The following GGPS1 variants were observed in gnomAD, a reference collection of about 807,000 sequenced individuals.
GGPS1 encodes geranylgeranyl diphosphate synthase 1.
GGPS1 carries 15 observed loss-of-function variants against 28.1 expected under a neutral mutation model. The observed-to-expected ratio is 0.53, with a 90% CI of 0.36 to 0.82. GGPS1 has a LOEUF of 0.82. Among genes scored for constraint, GGPS1 ranks in the 40% least tolerant of loss-of-function variants. The pLI, the probability that GGPS1 is intolerant of heterozygous loss-of-function variation, is 0.01. For synonymous variants in GGPS1, 138 were observed against 122.4 expected, an observed-to-expected ratio of 1.13 and a Z score of -0.84; for missense variants, 284 against 348.3, an observed-to-expected ratio of 0.82 and a Z score of 1.47.
In GGPS1 at chr1:235,340,025, A is replaced by G. The variant is rs552414556; in HGVS notation, c.71-1683A>G. On this transcript the variant is annotated intron_variant, in intron 2 of 3. Transcript: ENST00000282841. The stretch of plus-strand genomic sequence containing the variant: ...CACATGCGTGTAATCCCAGCTACTC[A>G]GGAGGCTGAGGCAGGAGAATAGCTT... 1.9e-3 allele frequency among the ~76,000 whole-genome samples: 279 copies of G among 150,354 alleles called. 1 individual carries two copies. Among genetic ancestry groups the G allele is most frequent in the Middle Eastern group, 3.5e-3 (1 of 286 alleles).
At chr1:235,334,352 T>C (rs1463388040) in intron 1 of GGPS1, among the ~76,000 whole-genome samples, 2 of 152,186 alleles carry the variant, frequency 1.3e-5, no homozygotes, top group Admixed American at 1.3e-4. Context: ...TTGATTAAAA[T>C]AGGAAAAGCT....
chr1:235,332,738 G>C (rs1675754726), intron 1 of GGPS1, among the ~76,000 whole-genome samples: 1 of 152,096 alleles, frequency 6.6e-6, no homozygotes, highest in African/African-American at 2.4e-5. Context: ...TAAATTTAAT[G>C]CCAGCAAGAA....
chr1:235,342,577 G>T lies in GGPS1; in HGVS notation c.708G>T (p.Gln236His). The T allele has an allele frequency of 6.2e-7, 1 of 1,611,670 alleles. No homozygotes were observed. Residue 236 changes from glutamine to histidine, a missense_variant, in exon 4 of 4, where the codon CAG becomes CAT. Gln to His is a conservative substitution (Grantham distance 24). Coordinates refer to ENST00000282841, the MANE Select transcript of GGPS1 (RefSeq NM_004837.4). ...ESTQVQNILRQRTENIDIKKY... is the reference protein window; with the variant it reads ...ESTQVQNILRHRTENIDIKKY... ...CCCAGGTGCAGAATATCTTGCGCCAGAGAACAGAAAACATAGATATAAAAA... is the reference window on the plus strand; with the variant it reads ...CCCAGGTGCAGAATATCTTGCGCCATAGAACAGAAAACATAGATATAAAAA...
chr1:235,338,930 A>G (rs1246070495), intron 2 of GGPS1, among the ~76,000 whole-genome samples: 2 of 151,726 alleles, frequency 1.3e-5, no homozygotes, highest in African/African-American at 2.4e-5. Context: ...TCGAGAGGCC[A>G]AAGCATGTGG....
intron 1 of GGPS1, among the ~76,000 whole-genome samples, chr1:235,334,638 G>C (rs1675813153): frequency 6.6e-6 from 1 of 152,162 alleles, no homozygotes; most frequent in African/African-American, 2.4e-5. Flanking sequence ...CTGTAGATTG[G>C]CTTATTCTGA....
chr1:235,335,897 A>G (rs905789814), intron 2 of GGPS1, among the ~76,000 whole-genome samples: 3 of 152,148 alleles, frequency 2.0e-5, no homozygotes, highest in African/African-American at 4.8e-5. Context: ...TTTACCTTCT[A>G]TGTCTGTATT....
At chr1:235,340,965 A>G (rs1260112308) in intron 2 of GGPS1, among the ~76,000 whole-genome samples, 1 of 152,166 alleles carries the variant, frequency 6.6e-6, no homozygotes, top group Non-Finnish European at 1.5e-5. Flanking sequence ...TTTATGAGGT[A>G]ATAGTAAAAT....
In GGPS1 at chr1:235,344,241, G is replaced by C. The variant is rs977960675; in HGVS notation, c.*1469G>C. On this transcript the variant is annotated 3_prime_UTR_variant, in exon 4 of 4. Coordinates refer to ENST00000282841, the MANE Select transcript of GGPS1 (RefSeq NM_004837.4). ...TATGTTTCCCTTAGAAACATGTTTTGCTTGGTTCTATAGTATGTTACTTAG... is the reference window on the plus strand; with the variant it reads ...TATGTTTCCCTTAGAAACATGTTTTCCTTGGTTCTATAGTATGTTACTTAG... 10 of 164,890 alleles carry C rather than the reference G, an allele frequency of 6.1e-5. No homozygotes were observed. Among genetic ancestry groups the C allele is most frequent in the African/African-American group, 2.5e-4 (10 of 40,564 alleles). 10.2% of individuals were successfully genotyped at this position (164,890 alleles called of 1,614,324 possible).
intron 2 of GGPS1, among the ~76,000 whole-genome samples, chr1:235,336,596 C>T (rs2103344476): frequency 6.6e-6 from 1 of 152,218 alleles, no homozygotes; most frequent in Non-Finnish European, 1.5e-5. Flanking sequence ...TTTGAGACCA[C>T]CTTGGGCAAC....
Position 235,337,715 on chromosome 1 carries a change from G to T in GGPS1, c.70+2381G>T, listed in dbSNP as rs190483209. Among the ~76,000 whole-genome samples, 189 of 152,042 alleles carry T rather than the reference G, an allele frequency of 1.2e-3. 1 individual carries two copies. The highest frequency in any genetic ancestry group is 4.5e-3 in the African/African-American group (185 of 41,468). On this transcript the variant is annotated intron_variant, in intron 2 of 3. Transcript: ENST00000282841. ...ATGGTAGCGCATGCCTGTAGTCCCA[G>T]CTGAGGCACGGGAGTCACAGGAGCC...
intron 1 of GGPS1, chr1:235,329,409 A>C (rs1675611874): frequency 6.6e-6 from 1 of 152,302 alleles, no homozygotes; most frequent in Non-Finnish European, 1.5e-5. Flanking sequence ...ACGATGTGAA[A>C]TTACCGCAGT....
At chr1:235,339,956 A>G (rs779460826) in intron 2 of GGPS1, among the ~76,000 whole-genome samples, 15 of 151,918 alleles carry the variant, frequency 9.9e-5, no homozygotes, top group Non-Finnish European at 1.9e-4. Flanking sequence ...TTCTAGTGGT[A>G]ACTTCTATCC....
In GGPS1 at chr1:235,343,730, C is replaced by G. The variant is rs1163043518; in HGVS notation, c.*958C>G. 6.0e-6 allele frequency: 1 copy of G among 166,756 alleles called. No homozygotes were observed. The highest frequency in any genetic ancestry group is 2.4e-5 in the African/African-American group (1 of 41,332). The allele number at this position is 166,756 out of a possible 1,614,324, so 10.3% of individuals were successfully genotyped here. ...CCTTGTAACATTTATGTGCCCCAAACTGGTTAGTATATGGGTACAGCATTC... is the reference window on the plus strand; with the variant it reads ...CCTTGTAACATTTATGTGCCCCAAAGTGGTTAGTATATGGGTACAGCATTC... On this transcript the variant is annotated 3_prime_UTR_variant, in exon 4 of 4. Coordinates refer to ENST00000282841, the MANE Select transcript of GGPS1 (RefSeq NM_004837.4).
Position 235,343,347 on chromosome 1 carries a change from A to T in GGPS1, c.*575A>T, listed in dbSNP as rs963876692. On this transcript the variant is annotated 3_prime_UTR_variant, in exon 4 of 4. Transcript: ENST00000282841. ...GAGGCGGGCAGATCACGAGGTCAGGAGATCGAGACCATCCTGACACGGTGA... is the reference window on the plus strand; with the variant it reads ...GAGGCGGGCAGATCACGAGGTCAGGTGATCGAGACCATCCTGACACGGTGA... The T allele has an allele frequency of 2.5e-5, 4 of 160,010 alleles. No homozygotes were observed. The highest frequency in any genetic ancestry group is 7.2e-5 in the African/African-American group (3 of 41,458). 9.9% of individuals were successfully genotyped at this position (160,010 alleles called of 1,614,324 possible).
chr1:235,330,500 G>A (rs946166757), intron 1 of GGPS1: 1 of 152,072 alleles, frequency 6.6e-6, no homozygotes, highest in East Asian at 1.9e-4. Flanking sequence ...AAAGACACAA[G>A]GCAAGTTGGT....
Position 235,342,733 on chromosome 1 carries a change from A to G in GGPS1, c.864A>G (p.Val288=). The change falls in exon 4 of 4, where the codon GTA becomes GTG. Residue 288 remains valine (V), a synonymous_variant. Transcript: ENST00000282841. ...GGAACCCTGAGCTAGTAGCCTTAGT[A>G]AAACACTTAAGTAAGATGTTCAAAG... The part of the protein sequence containing the change: ...RGGNPELVAL[V]KHLSKMFKEE... 3 of 1,599,688 alleles carry G rather than the reference A, an allele frequency of 1.9e-6. No individual in the cohort carries two copies. Among genetic ancestry groups the G allele is most frequent in the Non-Finnish European group, 8.5e-7 (1 of 1,174,272 alleles).
At position 235,342,395 on chromosome 1, in the gene GGPS1, C is replaced by T; in HGVS notation, c.526C>T (p.Leu176=). 1 of 1,614,012 alleles carries T rather than the reference C, an allele frequency of 6.2e-7. No homozygotes were observed. Among genetic ancestry groups the T allele is most frequent in the Non-Finnish European group, 8.5e-7 (1 of 1,179,876 alleles). Residue 176 remains leucine, a synonymous_variant, in exon 4 of 4, where the codon CTA becomes TTA. Transcript: ENST00000282841. Reference sequence around the variant, plus strand: ...TGATTACAAAGAAGATTTAAAACCGCTACTTAATACACTTGGGCTCTTTTT... The same window carrying T: ...TGATTACAAAGAAGATTTAAAACCGTTACTTAATACACTTGGGCTCTTTTT... ...FSDYKEDLKP[L]LNTLGLFFQI...
chr1:235,335,900 T>A (rs1441778481), intron 2 of GGPS1, among the ~76,000 whole-genome samples: 1 of 152,228 alleles, frequency 6.6e-6, no homozygotes, highest in African/African-American at 2.4e-5. Context: ...ACCTTCTATG[T>A]CTGTATTTTC....
chr1:235,329,042 G>C (rs1053288889), intron 1 of GGPS1: 2 of 152,186 alleles, frequency 1.3e-5, no homozygotes, highest in African/African-American at 4.8e-5. Context: ...CACTGTATAC[G>C]TTTGCAGTTC....
Sources: gnomAD v4.1 joint callset for allele counts (sites outside exome capture counted in the v4.1 genomes callset) on GRCh38, gnomAD v4.1.1 for gene constraint, MANE v1.5 for transcripts, NCBI Gene and HGNC (gene_info 2026-07-23, HGNC 2026-07-21) for gene names.